Variants in PDE4D observed in about 807,000 individuals in gnomAD.
PDE4D encodes the protein 3',5'-cyclic-AMP phosphodiesterase 4D.
In PDE4D, 24 loss-of-function variants were observed where a neutral mutation model predicts 87.4. The observed-to-expected ratio is 0.27, with a 90% CI of 0.20 to 0.39. PDE4D has a LOEUF of 0.39. Among genes scored for constraint, PDE4D ranks in the 10% least tolerant of loss-of-function variants. PDE4D has a pLI of 1.00. For missense variants in PDE4D, 714 were observed against 1,041.0 expected (o/e 0.69, Z 4.32); for synonymous variants, 384 against 383.2 (o/e 1.00, Z -0.02).
At chr5:60,081,272 C>T (rs551073285) in intron 2 of PDE4D, among the ~76,000 whole-genome samples, 1 of 149,912 alleles carries the variant, frequency 6.7e-6, no homozygotes, top group South Asian at 2.1e-4. Flanking sequence ...ATTCTTCTCT[C>T]TCTTCTTCTT....
chr5:59,903,089 CAT>C (rs1752443909), intron 3 of PDE4D, among the ~76,000 whole-genome samples: 1 of 152,152 alleles, frequency 6.6e-6, no homozygotes, highest in African/African-American at 2.4e-5. Context: ...TCCTGGCACA[CAT>C]ATATTCCTAA....
At chr5:59,385,576 T>G (rs1786807813) in intron 1 of PDE4D, among the ~76,000 whole-genome samples, 1 of 152,162 alleles carries the variant, frequency 6.6e-6, no homozygotes, top group Non-Finnish European at 1.5e-5. Flanking sequence ...GATGTTGAAA[T>G]GCACTGCCCA....
At chr5:60,432,368 T>C (rs1394319626) in intron 1 of PDE4D, among the ~76,000 whole-genome samples, 2 of 152,332 alleles carry the variant, frequency 1.3e-5, no homozygotes, top group African/African-American at 4.8e-5. Context: ...AATTTTGCTG[T>C]GAATCTGTGT....
chr5:60,483,824 G>T (rs1325098150), intron 1 of PDE4D, among the ~76,000 whole-genome samples: 1 of 152,144 alleles, frequency 6.6e-6, no homozygotes, highest in Non-Finnish European at 1.5e-5. Flanking sequence ...TTTACTTATT[G>T]TGATTCCTCT....
At chr5:59,772,154 T>C (rs1453284816) in intron 1 of PDE4D, among the ~76,000 whole-genome samples, 9 of 152,214 alleles carry the variant, frequency 5.9e-5, no homozygotes, top group Non-Finnish European at 1.0e-4. Flanking sequence ...ACACAAATTG[T>C]AAGATTCTGA....
At chr5:59,077,254 T>A (rs1442609733) in intron 5 of PDE4D, among the ~76,000 whole-genome samples, 1 of 152,178 alleles carries the variant, frequency 6.6e-6, no homozygotes, top group African/African-American at 2.4e-5. Context: ...TTAGGTGTGT[T>A]ATTGGAGAAT....
intron 2 of PDE4D, among the ~76,000 whole-genome samples, chr5:60,152,374 C>A (rs1781584162): frequency 3.9e-5 from 6 of 152,004 alleles, no homozygotes; most frequent in Admixed American, 3.9e-4. Context: ...AATGAGGGGG[C>A]CAGGTGTGGT....
intron 1 of PDE4D, among the ~76,000 whole-genome samples, chr5:59,532,381 G>T (rs7710055): frequency 2.0e-5 from 3 of 152,026 alleles, no homozygotes; most frequent in Non-Finnish European, 4.4e-5. Context: ...CAGGGGATCT[G>T]CCTGCCTCAG....
chr5:58,984,905 G>GATTTATTT (rs756971783), intron 11 of PDE4D, among the ~76,000 whole-genome samples: 1 of 151,846 alleles, frequency 6.6e-6, no homozygotes, highest in Non-Finnish European at 1.5e-5. Flanking sequence ...ACATTTTATG[G>GATTTATTT]ATTTATTTAT....
chr5:60,220,140 C>T (rs990188066), intron 1 of PDE4D, among the ~76,000 whole-genome samples: 1 of 152,116 alleles, frequency 6.6e-6, no homozygotes, highest in Non-Finnish European at 1.5e-5. Context: ...GGTCTCCAGG[C>T]TTGTGGGTGG....
chr5:59,642,940 T>C (rs968837037), intron 1 of PDE4D, among the ~76,000 whole-genome samples: 1 of 152,174 alleles, frequency 6.6e-6, no homozygotes, highest in South Asian at 2.1e-4. Flanking sequence ...TAGTATAAAA[T>C]AGTCAATCTC....
chr5:59,488,945 G>A (rs540149845), intron 1 of PDE4D, among the ~76,000 whole-genome samples: 3 of 152,154 alleles, frequency 2.0e-5, no homozygotes, highest in African/African-American at 7.2e-5. Flanking sequence ...TGGTAAATGA[G>A]CTTTGAAGTG....
intron 6 of PDE4D, among the ~76,000 whole-genome samples, chr5:58,994,581 G>A (rs889831114): frequency 3.3e-5 from 5 of 152,102 alleles, no homozygotes; most frequent in African/African-American, 9.7e-5. Context: ...TCTCATTTAA[G>A]TATGAAGGTA....
intron 11 of PDE4D, among the ~76,000 whole-genome samples, chr5:58,981,758 C>G (rs183618021): frequency 5.3e-5 from 8 of 152,270 alleles, no homozygotes; most frequent in Admixed American, 4.6e-4. Context: ...GTGACCGAAA[C>G]CTTCATTCGT....
chr5:59,573,244 C>T (rs1822182028), intron 1 of PDE4D, among the ~76,000 whole-genome samples: 1 of 152,168 alleles, frequency 6.6e-6, no homozygotes, highest in Non-Finnish European at 1.5e-5. Flanking sequence ...TCCCAAAACT[C>T]ACCTCTAAAT....
chr5:59,977,549 A>C (rs182619074), intron 3 of PDE4D, among the ~76,000 whole-genome samples: 10 of 152,334 alleles, frequency 6.6e-5, no homozygotes, highest in Admixed American at 2.6e-4. Context: ...AGCTGCATAA[A>C]TACCCTCTGA....
At chr5:60,367,800 T>C (rs1316279508) in intron 1 of PDE4D, among the ~76,000 whole-genome samples, 12 of 152,102 alleles carry the variant, frequency 7.9e-5, no homozygotes, top group Admixed American at 1.3e-4. Flanking sequence ...AGGACACAGC[T>C]CAAGTGCTCC....
intron 1 of PDE4D, among the ~76,000 whole-genome samples, chr5:59,824,112 G>A (rs1323463153): frequency 1.3e-5 from 2 of 151,766 alleles, no homozygotes; most frequent in African/African-American, 4.8e-5. Context: ...AGCCACCTAT[G>A]TAATTTTTCT....
At chr5:60,255,098 TA>T (rs1748899271) in intron 1 of PDE4D, among the ~76,000 whole-genome samples, 1 of 152,046 alleles carries the variant, frequency 6.6e-6, no homozygotes, top group East Asian at 1.9e-4. Flanking sequence ...TTGAGTTTAG[TA>T]ACCATCTCTT....
Sources: gnomAD v4.1 joint callset for allele counts (sites outside exome capture counted in the v4.1 genomes callset) on GRCh38, gnomAD v4.1.1 for gene constraint, MANE v1.5 for transcripts, NCBI Gene and HGNC (gene_info 2026-07-23, HGNC 2026-07-21) for gene names.